The following LMO3 variants were observed in gnomAD, a reference collection of about 807,000 sequenced individuals.
LMO3 encodes LIM domain only 3.
In LMO3, 2 loss-of-function variants were observed where a neutral mutation model predicts 15.8. The observed-to-expected ratio is 0.13, with a 90% CI of 0.05 to 0.40. LMO3 has a LOEUF of 0.40. LMO3 is among the 10% of genes least tolerant of loss of function. The pLI, the probability that LMO3 is intolerant of heterozygous loss-of-function variation, is 0.99. For missense variants in LMO3, 86 were observed against 182.2 expected, an observed-to-expected ratio of 0.47 and a Z score of 3.04; for synonymous variants, 62 against 63.8, an observed-to-expected ratio of 0.97 and a Z score of 0.13.
rs148352270 is a variant in LMO3, at chr12:16,596,382, G to C, written c.206+4273C>G. Among the ~76,000 whole-genome samples, 234 of 151,592 alleles carry C rather than the reference G, an allele frequency of 1.5e-3. No homozygotes were observed. The highest frequency in any genetic ancestry group is 2.7e-3 in the Non-Finnish European group (180 of 67,560). On this transcript the variant is annotated intron_variant, in intron 2 of 3. Transcript: ENST00000537304. This position sits in a 1 kb window ranked among gnomAD's most constrained non-coding sequence, Gnocchi z 4.3. ...AGACATTTTACAGCTTCTTATATAGGAAAAGCTATAAGCAGCTTCCATGGC... is the reference window on the plus strand; with the variant it reads ...AGACATTTTACAGCTTCTTATATAGCAAAAGCTATAAGCAGCTTCCATGGC...
intron 2 of LMO3, among the ~76,000 whole-genome samples, chr12:16,579,019 G>A (rs765014183): frequency 4.6e-5 from 7 of 152,092 alleles, no homozygotes; most frequent in Admixed American, 6.6e-5. Context: ...ACACACTCTT[G>A]ACAGACTGTA....
At chr12:16,594,212 A>G (rs1943578051) in intron 2 of LMO3, 1 of 1,532,718 alleles carries the variant, frequency 6.5e-7, no homozygotes, top group Non-Finnish European at 8.7e-7. Flanking sequence ...ACAGATTCCA[A>G]TCTCTGTATG....
rs1942365152 is a variant in LMO3, at chr12:16,560,566, T to C, written c.207-28A>G. 2 of 1,578,152 alleles carry C rather than the reference T, an allele frequency of 1.3e-6. No homozygotes were observed. The highest frequency in any genetic ancestry group is 2.3e-5 in the South Asian group (2 of 88,010). On this transcript the variant is annotated intron_variant, in intron 2 of 3. Coordinates refer to ENST00000537304, the MANE Select transcript of LMO3 (RefSeq NM_018640.5). The surrounding 1 kb of genome is among the most constrained non-coding windows in gnomAD (Gnocchi z 5.0). The stretch of plus-strand genomic sequence containing the variant: ...AGAATAAGAAACATTTTTTTTTTTT[T>C]ACAAACTCTTACAGAGAAATCTGAG...
intron 3 of LMO3, among the ~76,000 whole-genome samples, chr12:16,556,661 T>C (rs1942202686): frequency 6.6e-6 from 1 of 152,192 alleles, no homozygotes; most frequent in South Asian, 2.1e-4. Flanking sequence ...GCGACAATGA[T>C]TTGGCTACTG....
intron 3 of LMO3, among the ~76,000 whole-genome samples, chr12:16,552,510 C>G (rs115358923): frequency 2.0e-5 from 3 of 152,118 alleles, no homozygotes; most frequent in African/African-American, 7.2e-5. Flanking sequence ...GCTAGACAAA[C>G]AGTGAACCTA....
intron 1 of LMO3, 25 bp from the exon 2 acceptor site, chr12:16,600,893 G>C (rs1423736611): frequency 1.3e-6 from 2 of 1,540,458 alleles, no homozygotes; most frequent in South Asian, 2.2e-5. Context: ...AAGCAAAAAA[G>C]AGAGCTGAGA....
rs1365898270 is a variant in LMO3 at position 16,596,003 on chromosome 12, G to T, written c.206+4652C>A. Among the ~76,000 whole-genome samples the T allele has an allele frequency of 6.6e-6, 1 of 151,320 alleles. No individual in the cohort carries two copies. Among genetic ancestry groups the T allele is most frequent in the Admixed American group, 6.6e-5 (1 of 15,172 alleles). On this transcript the variant is annotated intron_variant, in intron 2 of 3. Coordinates refer to ENST00000537304, the MANE Select transcript of LMO3 (RefSeq NM_018640.5). This position sits in a 1 kb window ranked among gnomAD's most constrained non-coding sequence, Gnocchi z 4.3. ...TAAAAAAGCATCTGTGCTATAAATT[G>T]CCAGATAAAATAATATTAACAACAT...
rs1422668847 is a variant in LMO3, at chr12:16,604,810, C to A, written c.-9+1256G>T. The A allele has an allele frequency of 1.3e-6, 2 of 1,567,220 alleles. No individual in the cohort carries two copies. The highest frequency in any genetic ancestry group is 1.1e-5 in the South Asian group (1 of 89,526). ...GCGGAAAAGCAGAAAGGCTTTTGAGCGGCCAGGAGTGCAGAGCGCCAGCAA... is the reference window on the plus strand; with the variant it reads ...GCGGAAAAGCAGAAAGGCTTTTGAGAGGCCAGGAGTGCAGAGCGCCAGCAA... On this transcript the variant is annotated intron_variant, in intron 1 of 3. Coordinates refer to ENST00000537304, the MANE Select transcript of LMO3 (RefSeq NM_018640.5). This position sits in a 1 kb window ranked among gnomAD's most constrained non-coding sequence, Gnocchi z 5.3.
intron 2 of LMO3, chr12:16,594,475 C>A (rs1943587972): frequency 2.4e-6 from 1 of 411,124 alleles, no homozygotes; most frequent in South Asian, 5.3e-5. Flanking sequence ...TCTTGTCCAG[C>A]ATTTACACTT....
At chr12:16,561,824 T>C (rs371680345) in intron 2 of LMO3, among the ~76,000 whole-genome samples, 59 of 152,334 alleles carry the variant, frequency 3.9e-4, no homozygotes, top group African/African-American at 1.3e-3. Flanking sequence ...TTTTGTTGGA[T>C]TGTCTCTTGA....
At chr12:16,567,164 C>G (rs1178116446) in intron 2 of LMO3, among the ~76,000 whole-genome samples, 2 of 151,978 alleles carry the variant, frequency 1.3e-5, no homozygotes, top group African/African-American at 4.8e-5. Context: ...CCATTGCACT[C>G]CAGCCTGGGC....
chr12:16,551,741 T>TA (rs1339724860), intron 3 of LMO3, among the ~76,000 whole-genome samples: 7 of 151,974 alleles, frequency 4.6e-5, no homozygotes, highest in African/African-American at 1.7e-4. Flanking sequence ...AGGCACTTAA[T>TA]AAAAAAGTAA....
chr12:16,554,182 G>A (rs755369383), intron 3 of LMO3, among the ~76,000 whole-genome samples: 4 of 152,152 alleles, frequency 2.6e-5, no homozygotes, highest in Admixed American at 6.5e-5. Context: ...TGAAACAAGT[G>A]TAAATAGTAA....
chr12:16,567,041 G>T (rs1942642926), intron 2 of LMO3, among the ~76,000 whole-genome samples: 1 of 151,998 alleles, frequency 6.6e-6, no homozygotes, highest in Non-Finnish European at 1.5e-5. Flanking sequence ...CTAAAAATAT[G>T]AAAAATTAGC....
Position 16,605,165 on chromosome 12 carries a change from C to T in LMO3, c.-9+901G>A, listed in dbSNP as rs1290731251. On this transcript the variant is annotated intron_variant, in intron 1 of 3. Transcript: ENST00000537304. ...TGGCGAATGACAAAGCCACATGCTTCCCTAACTCTGCCCGTAATCCTAAAA... is the reference window on the plus strand; with the variant it reads ...TGGCGAATGACAAAGCCACATGCTTTCCTAACTCTGCCCGTAATCCTAAAA... The T allele has an allele frequency of 2.9e-6, 4 of 1,375,584 alleles. No individual in the cohort carries two copies. The African/African-American group carries it at 5.8e-5, about 20-fold the overall frequency. 85.2% of individuals were successfully genotyped at this position (1,375,584 alleles called of 1,614,324 possible). A position where few individuals can be genotyped will look rare whatever the true frequency, so the allele number is the denominator to read the frequency against.
rs74063927 is a variant in LMO3 at position 16,605,982 on chromosome 12, C to T, written c.-9+84G>A. The T allele has an allele frequency of 4.2e-4, 277 of 662,738 alleles. No individual in the cohort carries two copies. The African/African-American group carries it at 4.5e-3, about 11-fold the overall frequency. The allele number at this position is 662,738 out of a possible 1,614,324, so 41.1% of individuals were successfully genotyped here. A position where few individuals can be genotyped will look rare whatever the true frequency, so the allele number is the denominator to read the frequency against. The stretch of plus-strand genomic sequence containing the variant: ...CAGAGGTTGGGGAAGAAAAAAATAC[C>T]CACATCCGCACACGCACGCGCGCAC... On this transcript the variant is annotated intron_variant, in intron 1 of 3. Coordinates refer to ENST00000537304, the MANE Select transcript of LMO3 (RefSeq NM_018640.5).
Position 16,560,774 on chromosome 12 carries a change from T to C in LMO3, c.207-236A>G. The C allele has an allele frequency of 1.8e-6, 1 of 540,634 alleles. No homozygotes were observed. The highest frequency in any genetic ancestry group is 3.4e-6 in the Non-Finnish European group (1 of 293,258). The allele number at this position is 540,634 out of a possible 1,614,324, so 33.5% of individuals were successfully genotyped here. A position where few individuals can be genotyped will look rare whatever the true frequency, so the allele number is the denominator to read the frequency against. On this transcript the variant is annotated intron_variant, in intron 2 of 3. Transcript: ENST00000537304. The surrounding 1 kb of genome is among the most constrained non-coding windows in gnomAD (Gnocchi z 5.0). ...GAAGAAAAGGAAAAGACAAATACAT[T>C]AGGAAGCTTACGTAACTGCACATAA... is the stretch of plus-strand genomic sequence containing the variant.
chr12:16,590,396 T>C (rs1422837277), intron 2 of LMO3, among the ~76,000 whole-genome samples: 1 of 152,044 alleles, frequency 6.6e-6, no homozygotes, highest in Non-Finnish European at 1.5e-5. Flanking sequence ...AAGTGCTGGA[T>C]TTAGAAACAT....
intron 2 of LMO3, among the ~76,000 whole-genome samples, chr12:16,564,928 A>G (rs1485572213): frequency 1.3e-5 from 2 of 152,072 alleles, no homozygotes; most frequent in African/African-American, 4.8e-5. Context: ...TGGGACCACA[A>G]GTGCATATCA....
Sources: allele counts gnomAD v4.1 joint callset (sites outside exome capture counted in the v4.1 genomes callset), GRCh38; gene constraint gnomAD v4.1.1; non-coding constraint Gnocchi (gnomAD v3.1); transcripts MANE v1.5; gene names NCBI Gene and HGNC (gene_info 2026-07-23, HGNC 2026-07-21).